Variants in MAPRE3 observed in about 807,000 individuals in gnomAD.
MAPRE3 encodes microtubule-associated protein RP/EB family member 3.
MAPRE3 carries 2 observed loss-of-function variants against 30.5 expected under a neutral mutation model. The ratio of observed to expected loss-of-function variants is 0.07; its 90% CI spans 0.03 to 0.21. MAPRE3 has a LOEUF of 0.21. Ranked by LOEUF, MAPRE3 falls within the 10% of genes least tolerant of loss-of-function variation. The probability of loss-of-function intolerance (pLI) is 1.00; values close to 1 mark genes in which losing one functional copy is unlikely to be tolerated. For synonymous variants in MAPRE3, 110 were observed against 127.7 expected (o/e 0.86, Z 0.93); for missense variants, 204 against 351.8 (o/e 0.58, Z 3.36).
At chr2:26,997,798 A>G (rs1316744557) in intron 1 of MAPRE3, among the ~76,000 whole-genome samples, 5 of 152,238 alleles carry the variant, frequency 3.3e-5, no homozygotes, top group Admixed American at 6.5e-5. Flanking sequence ...ATATTCACTA[A>G]ATGTAGAGGA....
At chr2:26,973,028 T>G (rs1208338457) in intron 1 of MAPRE3, among the ~76,000 whole-genome samples, 5 of 152,232 alleles carry the variant, frequency 3.3e-5, no homozygotes, top group African/African-American at 1.2e-4. Context: ...GTAATGGTAT[T>G]GAGGTTTTGT....
chr2:26,982,804 A>C (rs1251237159), intron 1 of MAPRE3, among the ~76,000 whole-genome samples: 1 of 152,234 alleles, frequency 6.6e-6, no homozygotes, highest in East Asian at 1.9e-4. Flanking sequence ...TAATTGCAGA[A>C]TGAATGGATT....
intron 3 of MAPRE3, 167 bp from the exon 4 acceptor site, chr2:27,023,929 A>G (rs1572775190): frequency 1.7e-6 from 1 of 602,110 alleles, no homozygotes; most frequent in East Asian, 2.8e-5. Context: ...ACTAGGGCCT[A>G]CCAGCCTACC....
intron 1 of MAPRE3, among the ~76,000 whole-genome samples, chr2:26,983,279 C>T (rs1666152731): frequency 1.3e-5 from 2 of 152,188 alleles, no homozygotes; most frequent in Non-Finnish European, 2.9e-5. Context: ...TCCAGGAGCC[C>T]ACTGGGTTCC....
intron 2 of MAPRE3, 86 bp downstream of exon 2, chr2:27,022,425 TAC>T: frequency 6.5e-7 from 1 of 1,533,026 alleles, no homozygotes; most frequent in Middle Eastern, 1.8e-4. Flanking sequence ...ACAGGGAATA[TAC>T]AGTCATGCAT....
chr2:27,018,411 C>T lies in MAPRE3; in HGVS notation c.-7-3801C>T, dbSNP rs77413312. ...TCCCTGGGGACCTGGCAGAGTCTGA[C>T]CACTGTGGCCCTGGGGTCATTCACA... On this transcript the variant is annotated intron_variant, in intron 1 of 6. Coordinates refer to ENST00000233121, the MANE Select transcript of MAPRE3 (RefSeq NM_012326.4). Among the ~76,000 whole-genome samples the T allele has an allele frequency of 7.6e-3, 1,154 of 152,278 alleles. 7 individuals are homozygous for T. The highest frequency in any genetic ancestry group is 0.011 in the Non-Finnish European group (732 of 68,006).
At chr2:26,971,835 A>G (rs764947363) in intron 1 of MAPRE3, among the ~76,000 whole-genome samples, 1 of 152,088 alleles carries the variant, frequency 6.6e-6, no homozygotes, top group Non-Finnish European at 1.5e-5. Context: ...AAGCTTCTCC[A>G]TGGTGTAGGT....
At chr2:26,972,195 C>T (rs1034630802) in intron 1 of MAPRE3, among the ~76,000 whole-genome samples, 14 of 152,236 alleles carry the variant, frequency 9.2e-5, no homozygotes, top group East Asian at 1.9e-4. Context: ...CCAGATCTAC[C>T]GCACAAGAGG....
At chr2:26,996,503 T>C (rs966588857) in intron 1 of MAPRE3, among the ~76,000 whole-genome samples, 5 of 152,118 alleles carry the variant, frequency 3.3e-5, no homozygotes, top group African/African-American at 1.2e-4. Context: ...AAGGTTTCCT[T>C]GTTAAACCCT....
At chr2:27,016,664 G>T (rs562194354) in intron 1 of MAPRE3, among the ~76,000 whole-genome samples, 1 of 152,084 alleles carries the variant, frequency 6.6e-6, no homozygotes, top group Non-Finnish European at 1.5e-5. Context: ...GATTACAGGC[G>T]TGAGCCACCG....
chr2:26,995,862 A>G (rs1666448197), intron 1 of MAPRE3, among the ~76,000 whole-genome samples: 1 of 139,448 alleles, frequency 7.2e-6, no homozygotes, highest in South Asian at 2.3e-4. Context: ...GCTCCCCACA[A>G]GATACTAATG....
chr2:27,010,692 C>T (rs1310102584), intron 1 of MAPRE3, among the ~76,000 whole-genome samples: 1 of 152,122 alleles, frequency 6.6e-6, no homozygotes, highest in Non-Finnish European at 1.5e-5. Flanking sequence ...ATCCACCTGT[C>T]TCGGCCTCCC....
At chr2:26,970,924 C>G (rs943505335) in intron 1 of MAPRE3, 122 bp downstream of exon 1, 1 of 151,412 alleles carries the variant, frequency 6.6e-6, no homozygotes, top group African/African-American at 2.4e-5. Context: ...TCCCGCATCC[C>G]GACCGCGCCT....
chr2:26,997,270 G>A (rs956108057), intron 1 of MAPRE3, among the ~76,000 whole-genome samples: 3 of 152,084 alleles, frequency 2.0e-5, no homozygotes, highest in East Asian at 1.9e-4. Flanking sequence ...TGTCCAATCC[G>A]CAGCCCATGG....
At chr2:26,991,816 T>C (rs960611584) in intron 1 of MAPRE3, among the ~76,000 whole-genome samples, 4 of 152,210 alleles carry the variant, frequency 2.6e-5, no homozygotes, top group African/African-American at 9.6e-5. Flanking sequence ...CAGATGTAAA[T>C]GGGTAACAAC....
chr2:27,003,356 C>G (rs1666646257), intron 1 of MAPRE3, among the ~76,000 whole-genome samples: 1 of 152,176 alleles, frequency 6.6e-6, no homozygotes, highest in South Asian at 2.1e-4. Context: ...CCCCAGACCA[C>G]ATCACTACCC....
rs1308223591 is a variant in MAPRE3, at chr2:27,015,518, C to CTT, written c.-7-6692_-7-6691dup. Among the ~76,000 whole-genome samples the CTT allele has an allele frequency of 1.3e-5, 2 of 152,206 alleles. No homozygotes were observed. Among genetic ancestry groups the CTT allele is most frequent in the East Asian group, 3.9e-4 (2 of 5,176 alleles). On this transcript the variant is annotated intron_variant, in intron 1 of 6. Transcript: ENST00000233121. This position sits in a 1 kb window ranked among gnomAD's most constrained non-coding sequence, Gnocchi z 4.0. ...TTCAGGACTGGTAGACCTGGTGTGT[C>CTT]TTTCATAGCCACGCTGGGCAGAGGG...
At chr2:26,971,772 G>C (rs1304263046) in intron 1 of MAPRE3, among the ~76,000 whole-genome samples, 3 of 152,142 alleles carry the variant, frequency 2.0e-5, no homozygotes, top group African/African-American at 4.8e-5. Context: ...TAATTGGATA[G>C]TAGTGAGTTT....
intron 1 of MAPRE3, among the ~76,000 whole-genome samples, chr2:26,993,066 G>A (rs936674256): frequency 1.3e-5 from 2 of 152,048 alleles, no homozygotes; most frequent in Non-Finnish European, 2.9e-5. Flanking sequence ...ACCCTGATGA[G>A]GTAAAATATT....
Sources: gnomAD v4.1 joint callset for allele counts (sites outside exome capture counted in the v4.1 genomes callset) on GRCh38, gnomAD v4.1.1 for gene constraint, Gnocchi (gnomAD v3.1) non-coding constraint, MANE v1.5 for transcripts, NCBI Gene and HGNC (gene_info 2026-07-23, HGNC 2026-07-21) for gene names.